Variants in ADARB2 observed in about 807,000 individuals in gnomAD.
ADARB2 encodes the protein inactive double-stranded RNA-specific editase B2.
A neutral mutation model predicts 62.2 loss-of-function variants in ADARB2; 25 were observed. That is an observed-to-expected ratio of 0.40 (90% confidence interval 0.29 to 0.56). ADARB2 has a LOEUF of 0.56. Ranked by LOEUF, ADARB2 falls within the 20% of genes least tolerant of loss-of-function variation. ADARB2 has a pLI of 0.43. For missense variants in ADARB2, 1,071 were observed against 1,077.4 expected (o/e 0.99, Z 0.08); for synonymous variants, 572 against 500.8 (o/e 1.14, Z -1.90).
intron 1 of ADARB2, among the ~76,000 whole-genome samples, chr10:1,389,258 A>G (rs1832548970): frequency 6.6e-6 from 1 of 152,226 alleles, no homozygotes; most frequent in South Asian, 2.1e-4. Flanking sequence ...GGAGATAGAA[A>G]GCACTAACTA....
intron 1 of ADARB2, among the ~76,000 whole-genome samples, chr10:1,591,975 T>C (rs1447947725): frequency 2.0e-5 from 3 of 152,182 alleles, no homozygotes; most frequent in African/African-American, 7.2e-5. Flanking sequence ...GGACAGCGGC[T>C]CTCAGGCCCT....
intron 3 of ADARB2, among the ~76,000 whole-genome samples, chr10:1,299,984 G>C (rs1232453575): frequency 6.6e-6 from 1 of 152,138 alleles, no homozygotes; most frequent in African/African-American, 2.4e-5. Context: ...CTCACCAGGG[G>C]GGCCCGGTGG....
intron 3 of ADARB2, among the ~76,000 whole-genome samples, chr10:1,272,181 C>T (rs1196326412): frequency 6.6e-6 from 1 of 152,172 alleles, no homozygotes; most frequent in African/African-American, 2.4e-5. Flanking sequence ...TCATCTCATC[C>T]AGGAGGCAGG....
intron 1 of ADARB2, among the ~76,000 whole-genome samples, chr10:1,641,813 G>A (rs796233762): frequency 1.8e-4 from 28 of 152,298 alleles, no homozygotes; most frequent in African/African-American, 5.1e-4. Context: ...AGGAGTTTGA[G>A]ACCAGCCTGG....
intron 1 of ADARB2, among the ~76,000 whole-genome samples, chr10:1,696,531 G>A (rs1834748508): frequency 6.6e-6 from 1 of 152,116 alleles, no homozygotes; most frequent in Non-Finnish European, 1.5e-5. Context: ...GTGATTAAAG[G>A]CCCTTTCCAA....
intron 7 of ADARB2, 43 bp from the exon 8 acceptor site, chr10:1,200,190 C>T (rs1156313874): frequency 1.3e-6 from 2 of 1,550,178 alleles, no homozygotes; most frequent in Admixed American, 2.0e-5. Flanking sequence ...ACCCAGGAGC[C>T]CAGGGAGCCT....
At chr10:1,651,184 G>T (rs575745318) in intron 1 of ADARB2, among the ~76,000 whole-genome samples, 1 of 152,222 alleles carries the variant, frequency 6.6e-6, no homozygotes, top group South Asian at 2.1e-4. Flanking sequence ...TCGCCACAGC[G>T]TCCTCCAGAT....
chr10:1,288,457 T>C (rs1262085982), intron 3 of ADARB2, among the ~76,000 whole-genome samples: 3 of 152,230 alleles, frequency 2.0e-5, no homozygotes, highest in Non-Finnish European at 4.4e-5. Flanking sequence ...GTTACGATTA[T>C]TGTCCTGTTT....
intron 1 of ADARB2, among the ~76,000 whole-genome samples, chr10:1,418,425 G>A (rs1432462789): frequency 1.3e-5 from 2 of 152,184 alleles, no homozygotes; most frequent in Admixed American, 1.3e-4. Context: ...ACGCCACGGG[G>A]GAGCCTTGTT....
chr10:1,580,704 GAACATC>G (rs142396504), intron 1 of ADARB2, among the ~76,000 whole-genome samples: 2,082 of 152,192 alleles, frequency 0.014, 27 homozygotes, highest in Middle Eastern at 0.021. Flanking sequence ...ATCCACATTG[GAACATC>G]ACACAGAGCA....
At chr10:1,358,576 A>G (rs560324949) in intron 3 of ADARB2, among the ~76,000 whole-genome samples, 22 of 152,270 alleles carry the variant, frequency 1.4e-4, no homozygotes, top group Admixed American at 1.1e-3. Flanking sequence ...ACGCAAATAT[A>G]AAGAACTTCT....
chr10:1,276,647 A>T (rs1831320616), intron 3 of ADARB2, among the ~76,000 whole-genome samples: 1 of 151,986 alleles, frequency 6.6e-6, no homozygotes, highest in Non-Finnish European at 1.5e-5. Flanking sequence ...ACTCCCAAAC[A>T]ATAATAACGG....
At chr10:1,574,828 G>A (rs1408319411) in intron 1 of ADARB2, among the ~76,000 whole-genome samples, 4 of 152,198 alleles carry the variant, frequency 2.6e-5, no homozygotes, top group Non-Finnish European at 1.5e-5. Context: ...CAGCCTGGAA[G>A]AGGCAGCTAT....
chr10:1,276,541 C>T (rs9419484), intron 3 of ADARB2, among the ~76,000 whole-genome samples: 87,722 of 151,868 alleles, frequency 0.58, 25,574 homozygotes, highest in South Asian at 0.77. Flanking sequence ...TTTTGGCTTT[C>T]GTTGCTTTAG....
At chr10:1,559,581 A>C (rs1674547651) in intron 1 of ADARB2, among the ~76,000 whole-genome samples, 1 of 152,190 alleles carries the variant, frequency 6.6e-6, no homozygotes, top group Admixed American at 6.5e-5. Context: ...ATCCTAGTTC[A>C]GATTTTGACA....
intron 1 of ADARB2, among the ~76,000 whole-genome samples, chr10:1,446,825 C>T (rs938570984): frequency 3.3e-5 from 5 of 152,146 alleles, no homozygotes; most frequent in Non-Finnish European, 5.9e-5. Context: ...ACATATTCAA[C>T]GATTTCTCAC....
intron 1 of ADARB2, among the ~76,000 whole-genome samples, chr10:1,417,902 A>T (rs985743001): frequency 6.6e-6 from 1 of 152,276 alleles, no homozygotes; most frequent in African/African-American, 2.4e-5. Context: ...CAGGAAGAGC[A>T]GACGCCAGGG....
chr10:1,282,377 T>C (rs910064254), intron 3 of ADARB2, among the ~76,000 whole-genome samples: 1 of 152,244 alleles, frequency 6.6e-6, no homozygotes, highest in African/African-American at 2.4e-5. Context: ...TCCACAGAAC[T>C]GTGTCTACTG....
At chr10:1,676,084 C>T (rs1834463650) in intron 1 of ADARB2, 22 of 985,320 alleles carry the variant, frequency 2.2e-5, no homozygotes, top group Non-Finnish European at 2.5e-5. Context: ...AGTCCAGGAT[C>T]CATCCCTGAA....
Sources: gnomAD v4.1 joint callset for allele counts (sites outside exome capture counted in the v4.1 genomes callset) on GRCh38, gnomAD v4.1.1 for gene constraint, MANE v1.5 for transcripts, NCBI Gene and HGNC (gene_info 2026-07-23, HGNC 2026-07-21) for gene names.